Variants in BICC1 observed in about 807,000 individuals in gnomAD.
BICC1 encodes BicC family RNA binding protein 1, also known as protein bicaudal C homolog 1.
In BICC1, 43 loss-of-function variants were observed where a neutral mutation model predicts 111.0. The observed-to-expected ratio is 0.39, with a 90% confidence interval of 0.30 to 0.50. The LOEUF is 0.50. BICC1 is among the 20% of genes least tolerant of loss of function. The probability of loss-of-function intolerance (pLI) is 0.88; values close to 1 mark genes in which losing one functional copy is unlikely to be tolerated. For missense variants in BICC1, 1,091 were observed against 1,203.2 expected, an observed-to-expected ratio of 0.91 and a Z score of 1.38; for synonymous variants, 467 against 434.4, an observed-to-expected ratio of 1.07 and a Z score of -0.93.
At chr10:58,723,476 A>G (rs557708399) in intron 3 of BICC1, among the ~76,000 whole-genome samples, 5 of 152,314 alleles carry the variant, frequency 3.3e-5, no homozygotes, top group African/African-American at 1.2e-4. Context: ...GGATAGTTCT[A>G]TGCCTTTTTC....
intron 1 of BICC1, among the ~76,000 whole-genome samples, chr10:58,522,027 T>C (rs561121416): frequency 6.6e-6 from 1 of 151,908 alleles, no homozygotes; most frequent in East Asian, 1.9e-4. Flanking sequence ...CCCTTGAAGC[T>C]AGTACTTTTT....
chr10:58,699,094 A>T (rs985647059), intron 2 of BICC1, among the ~76,000 whole-genome samples: 2 of 152,224 alleles, frequency 1.3e-5, no homozygotes, highest in Non-Finnish European at 2.9e-5. Flanking sequence ...TCAGCTCCAG[A>T]TGTCAAATTC....
At chr10:58,568,215 T>G (rs570893854) in intron 1 of BICC1, among the ~76,000 whole-genome samples, 1 of 152,284 alleles carries the variant, frequency 6.6e-6, no homozygotes. Flanking sequence ...TGAAATTAAG[T>G]GCTCTCTACA....
Position 58,828,941 on chromosome 10 carries a change from G to A in BICC1, c.*50G>A, listed in dbSNP as rs1466451208. 1.4e-5 allele frequency: 22 copies of A among 1,608,258 alleles called. No homozygotes were observed. The highest frequency in any genetic ancestry group is 1.8e-5 in the Non-Finnish European group (21 of 1,177,188). On this transcript the variant is annotated 3_prime_UTR_variant, in exon 21 of 21. Coordinates refer to ENST00000373886, the MANE Select transcript of BICC1 (RefSeq NM_001080512.3). ...CTGACTAACTGTAAAGTGGACACAG[G>A]AGATGTATGAACAGCCTTCACAGCA...
chr10:58,783,171 G>A (rs1174076441), intron 3 of BICC1, among the ~76,000 whole-genome samples: 1 of 152,062 alleles, frequency 6.6e-6, no homozygotes, highest in African/African-American at 2.4e-5. Flanking sequence ...AAGGAAGGGT[G>A]CTTGAGACCA....
rs185088542 is a variant in BICC1, at chr10:58,556,450, C to T, written c.190+43117C>T. ...GTATGAAGGAGAAAAGAAACTTGAC[C>T]AAGAAATGTTACTTAGAAAATATTT... On this transcript the variant is annotated intron_variant, in intron 1 of 20. Coordinates refer to ENST00000373886, the MANE Select transcript of BICC1 (RefSeq NM_001080512.3). Among the ~76,000 whole-genome samples the T allele has an allele frequency of 3.2e-3, 493 of 152,058 alleles. 2 individuals carry two copies. The highest frequency in any genetic ancestry group is 5.0e-3 in the Non-Finnish European group (340 of 67,960).
intron 2 of BICC1, among the ~76,000 whole-genome samples, chr10:58,639,777 A>T (rs1247296325): frequency 7.3e-6 from 1 of 137,892 alleles, no homozygotes; most frequent in African/African-American, 2.7e-5. Flanking sequence ...GCTGGGGTAC[A>T]TCTTGGCTCA....
At chr10:58,682,175 T>TGTC (rs1310078879) in intron 2 of BICC1, among the ~76,000 whole-genome samples, 4 of 152,102 alleles carry the variant, frequency 2.6e-5, no homozygotes, top group African/African-American at 9.7e-5. Flanking sequence ...GCTTCATCCA[T>TGTC]GTCCCTACAA....
At chr10:58,709,262 ACTT>A (rs1840497887) in intron 3 of BICC1, among the ~76,000 whole-genome samples, 2 of 152,116 alleles carry the variant, frequency 1.3e-5, no homozygotes, top group Admixed American at 6.5e-5. Context: ...TCTGTTCTCT[ACTT>A]CTGTGAGATC....
chr10:58,599,085 A>G (rs1844934741), intron 1 of BICC1, among the ~76,000 whole-genome samples: 1 of 152,206 alleles, frequency 6.6e-6, no homozygotes, highest in African/African-American at 2.4e-5. Context: ...TGTGGAAGAC[A>G]GTGTAGCAAT....
At chr10:58,784,070 C>G (rs533630386) in intron 3 of BICC1, among the ~76,000 whole-genome samples, 2 of 152,316 alleles carry the variant, frequency 1.3e-5, no homozygotes, top group South Asian at 2.1e-4. Flanking sequence ...TGATACTCCT[C>G]AAGACTCTCT....
intron 2 of BICC1, among the ~76,000 whole-genome samples, chr10:58,642,602 G>C (rs1838155747): frequency 6.7e-6 from 1 of 149,666 alleles, no homozygotes; most frequent in Non-Finnish European, 1.5e-5. Context: ...GTGGTTGACT[G>C]TACAACCCAT....
chr10:58,777,537 T>A (rs978104025), intron 3 of BICC1, among the ~76,000 whole-genome samples: 6 of 152,140 alleles, frequency 3.9e-5, no homozygotes, highest in African/African-American at 1.4e-4. Context: ...TCCCACCCTT[T>A]CCTTGCATTC....
At chr10:58,711,324 A>C (rs1285863656) in intron 3 of BICC1, among the ~76,000 whole-genome samples, 1 of 152,200 alleles carries the variant, frequency 6.6e-6, no homozygotes, top group Non-Finnish European at 1.5e-5. Flanking sequence ...AGGAGAACAG[A>C]GACCTGGGCC....
At chr10:58,716,158 G>A in intron 3 of BICC1, 1 of 1,502,498 alleles carries the variant, frequency 6.7e-7, no homozygotes, top group Non-Finnish European at 9.0e-7. Flanking sequence ...GTATATTGAG[G>A]AGGTGCGAGC....
chr10:58,773,939 A>G (rs1007173035), intron 3 of BICC1, among the ~76,000 whole-genome samples: 2 of 152,240 alleles, frequency 1.3e-5, no homozygotes, highest in Non-Finnish European at 2.9e-5. Flanking sequence ...AAGAAAGAGC[A>G]GTATACCCCC....
intron 17 of BICC1, among the ~76,000 whole-genome samples, chr10:58,811,534 G>A (rs555655859): frequency 2.4e-4 from 36 of 152,270 alleles, no homozygotes; most frequent in Admixed American, 2.6e-4. Flanking sequence ...TAGTGAAGGC[G>A]TCCCATAGTT....
intron 2 of BICC1, among the ~76,000 whole-genome samples, chr10:58,685,034 G>T (rs947461549): frequency 5.3e-5 from 8 of 152,194 alleles, no homozygotes; most frequent in African/African-American, 1.9e-4. Flanking sequence ...TCTACACACT[G>T]CTTTAAATGT....
At position 58,785,040 on chromosome 10, in the gene BICC1, A is replaced by T; in HGVS notation, c.347A>T (p.Lys116Ile). ...IKVSGKKEDV[K>I]EAKEMIMSVL... Reference sequence around the variant, plus strand: ...GTTTCTGGAAAGAAAGAAGATGTTAAAGAAGCCAAGGAAATGATCATGTCT... The same window carrying T: ...GTTTCTGGAAAGAAAGAAGATGTTATAGAAGCCAAGGAAATGATCATGTCT... Residue 116 changes from lysine to isoleucine, a missense_variant, in exon 4 of 21, where the codon AAA becomes ATA. By Grantham distance (102) the Lys-to-Ile change is moderately radical. Coordinates refer to ENST00000373886, the MANE Select transcript of BICC1 (RefSeq NM_001080512.3). 6.2e-7 allele frequency: 1 copy of T among 1,601,304 alleles called. No individual in the cohort carries two copies. Among genetic ancestry groups the T allele is most frequent in the African/African-American group, 1.3e-5 (1 of 74,392 alleles).
Sources: gnomAD v4.1 joint callset for allele counts (sites outside exome capture counted in the v4.1 genomes callset) on GRCh38, gnomAD v4.1.1 for gene constraint, MANE v1.5 for transcripts, NCBI Gene and HGNC (gene_info 2026-07-23, HGNC 2026-07-21) for gene names.